Variants in NELL2 observed in about 807,000 individuals in gnomAD.
The protein encoded by NELL2 is protein kinase C-binding protein NELL2.
NELL2 carries 41 observed loss-of-function variants against 109.6 expected under a neutral mutation model. The ratio of observed to expected loss-of-function variants is 0.37; its 90% confidence interval spans 0.29 to 0.49. The LOEUF (loss-of-function observed/expected upper bound fraction) is 0.49, where lower values mean the gene tolerates loss of function less well. NELL2 is among the 20% of genes least tolerant of loss of function. NELL2 has a pLI of 0.98. For missense variants in NELL2, 900 were observed against 1,008.3 expected, an observed-to-expected ratio of 0.89 and a Z score of 1.45; for synonymous variants, 355 against 344.7, an observed-to-expected ratio of 1.03 and a Z score of -0.33.
chr12:44,565,452 C>T (rs913112460), intron 15 of NELL2, among the ~76,000 whole-genome samples: 2 of 152,082 alleles, frequency 1.3e-5, no homozygotes, highest in Admixed American at 6.6e-5. Context: ...GACTGCTATC[C>T]TTGTATTGTA....
intron 9 of NELL2, among the ~76,000 whole-genome samples, chr12:44,738,960 T>A: frequency 6.6e-6 from 1 of 152,224 alleles, no homozygotes. Flanking sequence ...TTCAGACATA[T>A]TGGAATTTAA....
chr12:44,812,815 GA>G (rs1374753090), intron 3 of NELL2, among the ~76,000 whole-genome samples: 1 of 151,946 alleles, frequency 6.6e-6, no homozygotes, highest in Non-Finnish European at 1.5e-5. Context: ...AAATGATGCT[GA>G]AAAAAAGGCA....
At chr12:44,555,298 T>C (rs1943206133) in intron 15 of NELL2, among the ~76,000 whole-genome samples, 1 of 152,180 alleles carries the variant, frequency 6.6e-6, no homozygotes, top group Non-Finnish European at 1.5e-5. Context: ...ACAGGTTCAT[T>C]ATGCATCTCC....
At chr12:44,574,674 T>C (rs1944005134) in intron 15 of NELL2, among the ~76,000 whole-genome samples, 1 of 152,198 alleles carries the variant, frequency 6.6e-6, no homozygotes, top group Non-Finnish European at 1.5e-5. Context: ...ATATTACAAA[T>C]TTGTAAATCA....
intron 9 of NELL2, among the ~76,000 whole-genome samples, chr12:44,767,711 A>T (rs1467101505): frequency 6.6e-6 from 1 of 152,182 alleles, no homozygotes; most frequent in African/African-American, 2.4e-5. Flanking sequence ...TAATATGAAA[A>T]TATCTCCAAT....
At chr12:44,716,467 A>G (rs1211262528) in intron 9 of NELL2, among the ~76,000 whole-genome samples, 2 of 152,154 alleles carry the variant, frequency 1.3e-5, no homozygotes, top group Non-Finnish European at 2.9e-5. Context: ...TCAGTTGCAT[A>G]CTATCTATCA....
chr12:44,799,839 G>A (rs771762107), intron 3 of NELL2, among the ~76,000 whole-genome samples: 3 of 152,020 alleles, frequency 2.0e-5, no homozygotes, highest in Non-Finnish European at 4.4e-5. Context: ...TATTTGTAGA[G>A]GCTCAAATAA....
intron 9 of NELL2, among the ~76,000 whole-genome samples, chr12:44,751,114 A>G (rs1335377827): frequency 2.0e-5 from 3 of 152,292 alleles, no homozygotes; most frequent in African/African-American, 7.2e-5. Flanking sequence ...GTGGAGGTCA[A>G]AGAGAACCAA....
At chr12:44,590,906 A>C (rs2136225205) in intron 15 of NELL2, among the ~76,000 whole-genome samples, 1 of 150,318 alleles carries the variant, frequency 6.7e-6, no homozygotes. Flanking sequence ...ACAAAAAAAA[A>C]AACCAACCTT....
chr12:44,713,499 A>G (rs2136439654), intron 10 of NELL2, among the ~76,000 whole-genome samples: 1 of 152,036 alleles, frequency 6.6e-6, no homozygotes, highest in Non-Finnish European at 1.5e-5. Context: ...CTGATAAAGG[A>G]AAATCCATCA....
chr12:44,856,787 T>G (rs568012338), intron 2 of NELL2, among the ~76,000 whole-genome samples: 2 of 152,182 alleles, frequency 1.3e-5, no homozygotes, highest in Admixed American at 6.5e-5. Flanking sequence ...GTCTTTTATT[T>G]TGAGTGAAAC....
chr12:44,870,531 A>C (rs1945132471), intron 2 of NELL2, among the ~76,000 whole-genome samples: 1 of 152,188 alleles, frequency 6.6e-6, no homozygotes. Flanking sequence ...TCAGAAGTCC[A>C]AAATGAGTCT....
At chr12:44,876,428 C>T (rs1166320847), upstream of NELL2, 6 of 1,281,352 alleles carry the variant, frequency 4.7e-6, no homozygotes, top group Non-Finnish European at 5.9e-6. Context: ...GGCCGGCGCT[C>T]AGCGTCGGTC....
intron 1 of NELL2, among the ~76,000 whole-genome samples, chr12:44,887,072 T>C (rs1323805328): frequency 1.3e-5 from 2 of 152,128 alleles, no homozygotes; most frequent in African/African-American, 2.4e-5. Context: ...TAGTGCTGAA[T>C]GAGCATGGGA....
At chr12:44,536,053 A>T (rs918362479) in intron 15 of NELL2, among the ~76,000 whole-genome samples, 5 of 151,934 alleles carry the variant, frequency 3.3e-5, no homozygotes, top group African/African-American at 4.8e-5. Context: ...TGATTTGTTT[A>T]TGCAAATTTT....
rs191415291 is a variant in NELL2, at chr12:44,692,273, T to C, written c.1318+11453A>G. Among the ~76,000 whole-genome samples the C allele has an allele frequency of 2.6e-3, 395 of 152,294 alleles. 4 individuals carry two copies. Among genetic ancestry groups the C allele is most frequent in the African/African-American group, 8.6e-3 (356 of 41,574 alleles). On this transcript the variant is annotated intron_variant, in intron 12 of 19. Coordinates refer to ENST00000429094, the MANE Select transcript of NELL2 (RefSeq NM_001145108.2). Reference sequence around the variant, plus strand: ...TGCCTATGCTCTATAAATGGAACAATGAAGCCTAGATGACAGCCGCACATC... The same window carrying C: ...TGCCTATGCTCTATAAATGGAACAACGAAGCCTAGATGACAGCCGCACATC...
chr12:44,622,451 C>T (rs947693604), intron 13 of NELL2, among the ~76,000 whole-genome samples: 1 of 152,090 alleles, frequency 6.6e-6, no homozygotes, highest in African/African-American at 2.4e-5. Context: ...CCCATATGAT[C>T]TATTCATTTT....
In NELL2 at chr12:44,643,511, T is replaced by G. The variant is rs114571046; in HGVS notation, c.1444+21973A>C. On this transcript the variant is annotated intron_variant, in intron 13 of 19. Transcript: ENST00000429094. ...AGACCTTCCAAAGGGAAAAAAAAGA[T>G]AAAATATTAACAGCAGTATCACTAA... 2.1e-3 allele frequency among the ~76,000 whole-genome samples: 323 copies of G among 152,274 alleles called. 1 individual carries two copies. The highest frequency in any genetic ancestry group is 7.6e-3 in the African/African-American group (315 of 41,574).
rs78038910 is a variant in NELL2, at chr12:44,627,861, G to T, written c.1445-16891C>A. Among the ~76,000 whole-genome samples, 859 of 152,308 alleles carry T rather than the reference G, an allele frequency of 5.6e-3. 7 individuals are homozygous for T. Among genetic ancestry groups the T allele is most frequent in the African/African-American group, 0.02 (825 of 41,564 alleles). On this transcript the variant is annotated intron_variant, in intron 13 of 19. Transcript: ENST00000429094. ...CCAATATGTTAGCAGAATTGTATTAGCAACCAGATGATTTTGATTTTGCAA... is the reference window on the plus strand; with the variant it reads ...CCAATATGTTAGCAGAATTGTATTATCAACCAGATGATTTTGATTTTGCAA...
Sources: gnomAD v4.1 joint callset for allele counts (sites outside exome capture counted in the v4.1 genomes callset) on GRCh38, gnomAD v4.1.1 for gene constraint, MANE v1.5 for transcripts, NCBI Gene and HGNC (gene_info 2026-07-23, HGNC 2026-07-21) for gene names.